LARS1: variants seen among roughly 807,000 people sequenced by gnomAD.
LARS1 encodes leucyl-tRNA synthetase 1.
A neutral mutation model predicts 162.8 loss-of-function variants in LARS1; 100 were observed. The observed-to-expected ratio is 0.61, with a 90% CI of 0.52 to 0.73. LARS1 has a LOEUF of 0.73. Among genes scored for constraint, LARS1 ranks in the 30% least tolerant of loss-of-function variants. LARS1 has a pLI of 0.00. For synonymous variants in LARS1, 457 were observed against 462.8 expected (o/e 0.99, Z 0.16); for missense variants, 1,258 against 1,408.9 (o/e 0.89, Z 1.71).
intron 5 of LARS1, among the ~76,000 whole-genome samples, chr5:146,167,824 C>G (rs1459620267): frequency 7.0e-6 from 1 of 142,420 alleles, no homozygotes; most frequent in Admixed American, 6.9e-5. Context: ...CCACCGCGCC[C>G]GGCCTACGAC....
chr5:146,144,784 T>C, intron 15 of LARS1, 75 bp from the exon 16 acceptor site: 2 of 1,342,854 alleles, frequency 1.5e-6, no homozygotes, highest in Non-Finnish European at 2.1e-6. Context: ...AAAAATTACT[T>C]TAAAAAAATG....
chr5:146,123,817 T>A (rs1751932299), intron 29 of LARS1, among the ~76,000 whole-genome samples, 165 bp downstream of exon 29: 1 of 151,914 alleles, frequency 6.6e-6, no homozygotes, highest in African/African-American at 2.4e-5. Context: ...GCAACTTTTA[T>A]ACTCACCCAT....
At chr5:146,175,135 C>A (rs1429328838) in intron 2 of LARS1, among the ~76,000 whole-genome samples, 1 of 151,952 alleles carries the variant, frequency 6.6e-6, no homozygotes, top group African/African-American at 2.4e-5. Context: ...GAGAGGATCA[C>A]CTGAGCCCAG....
At chr5:146,171,840 G>A in intron 4 of LARS1, 70 bp downstream of exon 4, 1 of 1,054,362 alleles carries the variant, frequency 9.5e-7, no homozygotes, top group Non-Finnish European at 1.4e-6. Flanking sequence ...ATCCTTTTAA[G>A]CTCTTGAATT....
Position 146,140,858 on chromosome 5 carries a change from CACACACACACATATATAT to C in LARS1, c.2091-615_2091-598del, listed in dbSNP as rs1049947858. On this transcript the variant is annotated intron_variant, in intron 20 of 31. Coordinates refer to ENST00000394434, the MANE Select transcript of LARS1 (RefSeq NM_020117.11). ...ATATAAATATACACACATATATATA[CACACACACACATATATAT>C]ACACACACACATATATATACACATA... Among the ~76,000 whole-genome samples, 25 of 149,778 alleles carry C rather than the reference CACACACACACATATATAT, an allele frequency of 1.7e-4. No homozygotes were observed. The East Asian group carries it at 3.3e-3, about 20-fold the overall frequency.
chr5:146,150,921 A>T (rs1198721705), intron 14 of LARS1, among the ~76,000 whole-genome samples: 1 of 148,988 alleles, frequency 6.7e-6, no homozygotes, highest in African/African-American at 2.5e-5. Flanking sequence ...CCTGTGAGAC[A>T]GAGCAAGACT....
At chr5:146,161,553 A>G (rs1298672448) in intron 6 of LARS1, among the ~76,000 whole-genome samples, 1 of 152,016 alleles carries the variant, frequency 6.6e-6, no homozygotes, top group Admixed American at 6.6e-5. Context: ...ACATGGAGAA[A>G]CCCCGTCTCT....
At position 146,171,951 on chromosome 5, in the gene LARS1, GACA is replaced by G. The variant is rs1459795880; in HGVS notation, c.250_252del (p.Cys84del). 3.7e-6 allele frequency: 6 copies of G among 1,613,834 alleles called. No homozygotes were observed. The highest frequency in any genetic ancestry group is 2.7e-5 in the African/African-American group (2 of 74,920). ...GTACAGTGCAGGCCAAAGGGAAACAGACAACATTTTCCTTTCAATCGCTGGTAC... is the reference window on the plus strand; with the variant it reads ...GTACAGTGCAGGCCAAAGGGAAACAGACATTTTCCTTTCAATCGCTGGTAC... On this transcript the variant is annotated inframe_deletion, in exon 4 of 32. Coordinates refer to ENST00000394434, the MANE Select transcript of LARS1 (RefSeq NM_020117.11).
intron 1 of LARS1, among the ~76,000 whole-genome samples, chr5:146,178,619 C>CAA (rs11453686): frequency 1.4e-3 from 193 of 141,080 alleles, no homozygotes; most frequent in South Asian, 0.01. Context: ...CATCCCCCAC[C>CAA]AAAAAAAAAA....
At chr5:146,164,555 T>A in intron 5 of LARS1, 84 bp from the exon 6 acceptor site, 1 of 1,293,332 alleles carries the variant, frequency 7.7e-7, no homozygotes, top group Non-Finnish European at 1.1e-6. Context: ...TGAATGTAAT[T>A]TTTTTACATT....
Position 146,172,979 on chromosome 5 carries a change from T to C in LARS1, c.126-205A>G, listed in dbSNP as rs2962511. ...AGATTTACAAGAAATAAGACATTGA[T>C]AGGTTGCTATTAAGAATTAAATAGC... On this transcript the variant is annotated intron_variant, in intron 2 of 31. Transcript: ENST00000394434. Among the ~76,000 whole-genome samples, 99,234 of 152,028 alleles carry C rather than the reference T, an allele frequency of 0.65. 32,696 individuals are homozygous for C. Among genetic ancestry groups the C allele is most frequent in the Middle Eastern group, 0.79 (233 of 294 alleles).
At chr5:146,126,580 A>G (rs901172299) in intron 27 of LARS1, 35 bp from the exon 28 acceptor site, 22 of 1,457,524 alleles carry the variant, frequency 1.5e-5, no homozygotes, top group Admixed American at 3.4e-5. Flanking sequence ...AATGTAGAAA[A>G]AAAAGTCTCA....
At chr5:146,145,464 T>C (rs1180791201) in intron 15 of LARS1, among the ~76,000 whole-genome samples, 1 of 152,208 alleles carries the variant, frequency 6.6e-6, no homozygotes, top group Non-Finnish European at 1.5e-5. Context: ...AAAATCTTGT[T>C]ACTAAAGATT....
chr5:146,153,323 A>G (rs1447004582), intron 12 of LARS1, 96 bp from the exon 13 acceptor site: 2 of 912,010 alleles, frequency 2.2e-6, no homozygotes, highest in Non-Finnish European at 3.5e-6. Flanking sequence ...AAGTTTCTTT[A>G]AAGTTTCTAT....
intron 1 of LARS1, among the ~76,000 whole-genome samples, chr5:146,181,499 A>C (rs531639688): frequency 1.3e-4 from 20 of 152,072 alleles, no homozygotes; most frequent in South Asian, 4.1e-4. Flanking sequence ...CTAAAAATAC[A>C]AAAAATTAGC....
chr5:146,157,641 A>G lies in LARS1; in HGVS notation c.840-13T>C. 6.2e-7 allele frequency: 1 copy of G among 1,613,744 alleles called. No individual in the cohort carries two copies. The highest frequency in any genetic ancestry group is 8.5e-7 in the Non-Finnish European group (1 of 1,179,846). ...ACCTTTCAGGCCACTGAGAAAAAAA[A>G]ACAAATATTGATGTAAAAACATGTC... On this transcript the variant is annotated splice_polypyrimidine_tract_variant and intron_variant, in intron 9 of 31. Coordinates refer to ENST00000394434, the MANE Select transcript of LARS1 (RefSeq NM_020117.11).
rs1459498419 is a variant in LARS1, at chr5:146,131,102, T to G, written c.2404A>C (p.Asn802His). 1 of 1,539,606 alleles carries G rather than the reference T, an allele frequency of 6.5e-7. No homozygotes were observed. The highest frequency in any genetic ancestry group is 1.4e-5 in the African/African-American group (1 of 72,934). The change falls in exon 24 of 32, where the codon AAT becomes CAT. Residue 802 changes from asparagine (N) to histidine (H), a missense_variant. Asn to His is a moderately conservative substitution (Grantham distance 68). Transcript: ENST00000394434. ...TGATCTGTTTTTATAATTCCTGCAT[T>G]CAATTCACTATTGAATACGGGGAAA... ...FNDRVFASEL[N>H]AGIIKTDQNY... is the part of the protein sequence containing the mutation.
chr5:146,129,899 C>A, intron 25 of LARS1, 119 bp downstream of exon 25: 1 of 1,000,836 alleles, frequency 1.0e-6, no homozygotes, highest in South Asian at 1.8e-5. Context: ...CTGAATCCAG[C>A]ATTACTCTTG....
chr5:146,181,848 C>CTTTTT (rs34658033), intron 1 of LARS1, among the ~76,000 whole-genome samples: 1,692 of 53,002 alleles, frequency 0.032, 488 homozygotes, highest in South Asian at 0.059. Context: ...TCAATTTTTT[C>CTTTTT]TTTTTTTTTT....
Sources: gnomAD v4.1 joint callset for allele counts (sites outside exome capture counted in the v4.1 genomes callset) on GRCh38, gnomAD v4.1.1 for gene constraint, MANE v1.5 for transcripts, NCBI Gene and HGNC (gene_info 2026-07-23, HGNC 2026-07-21) for gene names.